Variants in TMED3 observed in about 807,000 individuals in gnomAD.
The protein encoded by TMED3 is transmembrane emp24 domain-containing protein 3.
A neutral mutation model predicts 15.0 loss-of-function variants in TMED3; 9 were observed. The observed-to-expected ratio is 0.60, with a 90% confidence interval of 0.36 to 1.04. TMED3 has a LOEUF of 1.04. TMED3 is among the 50% of genes least tolerant of loss of function. The probability of loss-of-function intolerance (pLI) is 0.01; values close to 1 mark genes in which losing one functional copy is unlikely to be tolerated. For missense variants in TMED3, 267 were observed against 278.9 expected, an observed-to-expected ratio of 0.96 and a Z score of 0.30; for synonymous variants, 117 against 121.4, an observed-to-expected ratio of 0.96 and a Z score of 0.24.
intron 2 of TMED3, among the ~76,000 whole-genome samples, chr15:79,360,619 G>A (rs770863114): frequency 4.6e-5 from 7 of 152,134 alleles, no homozygotes; most frequent in African/African-American, 9.7e-5. Flanking sequence ...TCGTTAGACC[G>A]CGACATCCCA....
intron 2 of TMED3, among the ~76,000 whole-genome samples, chr15:79,318,378 G>C (rs76657636): frequency 1.3e-5 from 2 of 152,196 alleles, no homozygotes; most frequent in African/African-American, 4.8e-5. Context: ...AGGAAAGTAA[G>C]CATTGAGTAA....
intron 2 of TMED3, among the ~76,000 whole-genome samples, chr15:79,405,428 C>T (rs561873133): frequency 4.1e-4 from 62 of 152,284 alleles, no homozygotes; most frequent in Non-Finnish European, 6.2e-4. Context: ...CTCTCTCACT[C>T]GTGTCCTGCT....
At chr15:79,387,871 T>A (rs938937911) in intron 2 of TMED3, among the ~76,000 whole-genome samples, 6 of 152,216 alleles carry the variant, frequency 3.9e-5, no homozygotes, top group South Asian at 4.1e-4. Context: ...TAGAATTTTT[T>A]AAATTTTCAT....
At chr15:79,401,106 G>T (rs1893828085) in intron 2 of TMED3, among the ~76,000 whole-genome samples, 1 of 152,086 alleles carries the variant, frequency 6.6e-6, no homozygotes, top group South Asian at 2.1e-4. Context: ...ATGCGCCTTA[G>T]GATTTTTATT....
exon 3 of TMED3, chr15:79,413,854 T>A (rs879816134): frequency 1.1e-4 from 17 of 152,188 alleles, no homozygotes; most frequent in Non-Finnish European, 1.9e-4. Flanking sequence ...CATCAGACAG[T>A]TTTAACTTTA....
At chr15:79,369,690 G>T (rs901243235) in intron 2 of TMED3, among the ~76,000 whole-genome samples, 1 of 152,208 alleles carries the variant, frequency 6.6e-6, no homozygotes, top group African/African-American at 2.4e-5. Context: ...CATAATTATG[G>T]AGTAGTCTTG....
intron 2 of TMED3, among the ~76,000 whole-genome samples, chr15:79,357,746 ACTGG>A (rs755483503): frequency 1.3e-5 from 2 of 152,118 alleles, no homozygotes; most frequent in Non-Finnish European, 2.9e-5. Context: ...TTGGAAGAAC[ACTGG>A]CTGGGAAATC....
intron 2 of TMED3, among the ~76,000 whole-genome samples, chr15:79,380,972 ATG>A (rs1299655109): frequency 6.6e-6 from 1 of 152,120 alleles, no homozygotes; most frequent in Non-Finnish European, 1.5e-5. Flanking sequence ...ATGGATAAGG[ATG>A]TGTCTTTCTT....
intron 2 of TMED3, among the ~76,000 whole-genome samples, chr15:79,357,635 C>T (rs1040436709): frequency 4.0e-5 from 6 of 151,552 alleles, no homozygotes; most frequent in Admixed American, 1.3e-4. Context: ...GGAGGACTGC[C>T]GTGCTGGGGG....
Position 79,396,403 on chromosome 15 carries a change from GC to G in TMED3, c.418-14996del, listed in dbSNP as rs542445732. 4.6e-5 allele frequency among the ~76,000 whole-genome samples: 7 copies of G among 152,176 alleles called. No homozygotes were observed. In the South Asian group the frequency reaches 1.5e-3, roughly 32 times the overall value. ...CTAAGCCTGGTTTAAATGGCTGGGG[GC>G]TAGAATCTTCATTCACCTGTCCAGT... is the stretch of plus-strand genomic sequence containing the variant. On this transcript the variant is annotated intron_variant, in intron 2 of 2. Transcript: ENST00000424155.
chr15:79,382,773 C>T (rs80221705), intron 2 of TMED3, among the ~76,000 whole-genome samples: 1,839 of 152,286 alleles, frequency 0.012, 86 homozygotes, highest in East Asian at 0.11. Flanking sequence ...ATCCTTCCTG[C>T]CACTCCTCAT....
At chr15:79,371,228 G>A (rs759329388) in intron 2 of TMED3, among the ~76,000 whole-genome samples, 21 of 152,118 alleles carry the variant, frequency 1.4e-4, no homozygotes, top group Admixed American at 3.3e-4. Context: ...TCCCTAAGTA[G>A]GTTTAGATGA....
chr15:79,358,529 G>A (rs977494837), intron 2 of TMED3, among the ~76,000 whole-genome samples: 3 of 152,148 alleles, frequency 2.0e-5, no homozygotes, highest in Admixed American at 1.3e-4. Context: ...TGGGGGTGGA[G>A]TCTGTCTCTT....
intron 2 of TMED3, among the ~76,000 whole-genome samples, chr15:79,344,205 C>T (rs2058860807): frequency 6.6e-6 from 1 of 152,142 alleles, no homozygotes; most frequent in Non-Finnish European, 1.5e-5. Flanking sequence ...TGGTGGCCCA[C>T]AAGGCACCAG....
At chr15:79,318,160 C>T (rs923744329) in intron 2 of TMED3, among the ~76,000 whole-genome samples, 21 of 152,148 alleles carry the variant, frequency 1.4e-4, no homozygotes, top group Admixed American at 3.3e-4. Context: ...CTCAGCTTGT[C>T]GTGTCCCATG....
intron 2 of TMED3, among the ~76,000 whole-genome samples, chr15:79,388,220 T>C (rs1893651246): frequency 6.6e-6 from 1 of 152,166 alleles, no homozygotes; most frequent in African/African-American, 2.4e-5. Context: ...ATGTTTTCGG[T>C]AGCCTTTTCT....
chr15:79,328,236 C>T (rs978552192), intron 2 of TMED3, among the ~76,000 whole-genome samples: 17 of 152,176 alleles, frequency 1.1e-4, no homozygotes, highest in African/African-American at 3.4e-4. Context: ...AAAGTCACGG[C>T]TGATCCTCTT....
At chr15:79,340,188 T>C (rs541882113) in intron 2 of TMED3, among the ~76,000 whole-genome samples, 1 of 152,286 alleles carries the variant, frequency 6.6e-6, no homozygotes, top group South Asian at 2.1e-4. Flanking sequence ...ATATGAGAAA[T>C]GACCACAAGA....
exon 3 of TMED3, chr15:79,412,269 T>G (rs1391809196): frequency 6.6e-6 from 1 of 152,162 alleles, no homozygotes; most frequent in Non-Finnish European, 1.5e-5. Flanking sequence ...TTCTCTGCCC[T>G]GCCAGTGTGC....
Sources: allele counts gnomAD v4.1 joint callset (sites outside exome capture counted in the v4.1 genomes callset), GRCh38; gene constraint gnomAD v4.1.1; transcripts MANE v1.5; gene names NCBI Gene and HGNC (gene_info 2026-07-23, HGNC 2026-07-21).